The following NDUFAF2 variants were observed in gnomAD, a reference collection of about 807,000 sequenced individuals.
NDUFAF2 encodes the protein NADH:ubiquinone oxidoreductase complex assembly factor 2, also known as NADH dehydrogenase [ubiquinone] 1 alpha subcomplex assembly factor 2.
In NDUFAF2, 13 loss-of-function variants were observed where a neutral mutation model predicts 22.8. That is an observed-to-expected ratio of 0.57 (90% CI 0.37 to 0.91). The LOEUF is 0.91. NDUFAF2 is among the 40% of genes least tolerant of loss of function. The probability of loss-of-function intolerance (pLI) is 0.01; values close to 1 mark genes in which losing one functional copy is unlikely to be tolerated. For missense variants in NDUFAF2, 162 were observed against 195.2 expected (o/e 0.83, Z 1.01); for synonymous variants, 53 against 64.2 (o/e 0.83, Z 0.84).
chr5:61,145,895 C>T (rs1230669928), intron 3 of NDUFAF2: 1 of 152,040 alleles, frequency 6.6e-6, no homozygotes, highest in African/African-American at 2.4e-5. Context: ...TTAAATGACC[C>T]TTTTAGAAGG....
chr5:61,093,553 A>G (rs1029098129), intron 2 of NDUFAF2, among the ~76,000 whole-genome samples: 3 of 152,194 alleles, frequency 2.0e-5, no homozygotes, highest in African/African-American at 7.2e-5. Context: ...TATGTGATGA[A>G]TCACATTTAT....
intron 3 of NDUFAF2, among the ~76,000 whole-genome samples, chr5:61,112,930 G>T (rs1341684500): frequency 1.3e-5 from 2 of 150,216 alleles, no homozygotes; most frequent in Non-Finnish European, 1.5e-5. Flanking sequence ...TACATTTGAG[G>T]TTACCATGGA....
intron 1 of NDUFAF2, among the ~76,000 whole-genome samples, chr5:61,039,637 C>T (rs944496960): frequency 4.6e-5 from 7 of 152,244 alleles, no homozygotes; most frequent in African/African-American, 1.7e-4. Context: ...ATTTAGGGGA[C>T]GGCTGGTGTC....
At chr5:61,150,233 T>A (rs1425100242) in intron 3 of NDUFAF2, among the ~76,000 whole-genome samples, 1 of 152,014 alleles carries the variant, frequency 6.6e-6, no homozygotes, top group African/African-American at 2.4e-5. Context: ...AACCTGGCCC[T>A]TCAATTCCAA....
chr5:61,123,371 C>A (rs1292984040), intron 3 of NDUFAF2, among the ~76,000 whole-genome samples: 3 of 152,110 alleles, frequency 2.0e-5, no homozygotes, highest in Non-Finnish European at 2.9e-5. Context: ...CACACCCTGT[C>A]TATATAGTAT....
At chr5:61,133,922 A>G (rs1236548176) in intron 3 of NDUFAF2, among the ~76,000 whole-genome samples, 1 of 152,248 alleles carries the variant, frequency 6.6e-6, no homozygotes, top group Non-Finnish European at 1.5e-5. Context: ...CTGCCCTAGC[A>G]ATCTAAGTTC....
chr5:60,993,088 T>C (rs375540876), intron 1 of NDUFAF2, among the ~76,000 whole-genome samples: 1 of 152,216 alleles, frequency 6.6e-6, no homozygotes, highest in South Asian at 2.1e-4. Flanking sequence ...GCAAGAGGTA[T>C]GTGAGCTAGT....
intron 1 of NDUFAF2, among the ~76,000 whole-genome samples, chr5:61,072,207 G>A (rs971897206): frequency 6.6e-6 from 1 of 152,168 alleles, no homozygotes; most frequent in African/African-American, 2.4e-5. Flanking sequence ...AGTAACATAC[G>A]AACTTAGTAG....
At chr5:60,962,020 T>C (rs942850373) in intron 1 of NDUFAF2, among the ~76,000 whole-genome samples, 1 of 152,126 alleles carries the variant, frequency 6.6e-6, no homozygotes, top group African/African-American at 2.4e-5. Context: ...TCCAGCTTTA[T>C]TGAAGTTCAA....
intron 1 of NDUFAF2, among the ~76,000 whole-genome samples, chr5:61,052,476 A>G (rs1359004666): frequency 6.6e-6 from 1 of 151,902 alleles, no homozygotes; most frequent in Non-Finnish European, 1.5e-5. Flanking sequence ...ATGCCCGGCT[A>G]ATTTTTTGTA....
At chr5:60,951,621 G>T (rs1467233760) in intron 1 of NDUFAF2, among the ~76,000 whole-genome samples, 4 of 152,090 alleles carry the variant, frequency 2.6e-5, no homozygotes, top group Admixed American at 6.5e-5. Context: ...TTTTATTGAA[G>T]AATTTTGTTT....
chr5:61,010,001 TACTC>T (rs903534671), intron 1 of NDUFAF2, among the ~76,000 whole-genome samples: 27 of 152,098 alleles, frequency 1.8e-4, no homozygotes, highest in Non-Finnish European at 1.0e-4. Context: ...CTTTCTGACT[TACTC>T]CCAATGTTCC....
At chr5:61,038,115 A>AGAGG (rs1491073520) in intron 1 of NDUFAF2, among the ~76,000 whole-genome samples, 1 of 145,118 alleles carries the variant, frequency 6.9e-6, no homozygotes, top group Non-Finnish European at 1.5e-5. Flanking sequence ...AGAGAGAGAG[A>AGAGG]GGGAGAGAGA....
chr5:61,062,660 TTTGTCAAGTC>T (rs1752179483), intron 1 of NDUFAF2, among the ~76,000 whole-genome samples: 1 of 151,978 alleles, frequency 6.6e-6, no homozygotes, highest in Non-Finnish European at 1.5e-5. Flanking sequence ...TTGCTGAAAA[TTTGTCAAGTC>T]TTGGGAGAGA....
chr5:61,120,100 A>G (rs1752958366), intron 3 of NDUFAF2, among the ~76,000 whole-genome samples: 2 of 152,184 alleles, frequency 1.3e-5, no homozygotes, highest in South Asian at 2.1e-4. Flanking sequence ...ACCGTAATAA[A>G]TAAAGAAAAA....
intron 1 of NDUFAF2, among the ~76,000 whole-genome samples, chr5:60,984,689 A>G (rs1395709745): frequency 6.6e-6 from 1 of 152,130 alleles, no homozygotes; most frequent in Non-Finnish European, 1.5e-5. Flanking sequence ...TATATGCTGG[A>G]TTACGTGTAT....
chr5:61,010,185 C>G (rs1338595535), intron 1 of NDUFAF2, among the ~76,000 whole-genome samples: 1 of 152,104 alleles, frequency 6.6e-6, no homozygotes, highest in African/African-American at 2.4e-5. Context: ...GCTTCACACT[C>G]TGGTCTTGGT....
At position 60,945,260 on chromosome 5, in the gene NDUFAF2, G is replaced by C. The variant is rs1430192510; in HGVS notation, c.5G>C (p.Gly2Ala). 8 of 1,613,006 alleles carry C rather than the reference G, an allele frequency of 5.0e-6. No homozygotes were observed. Among genetic ancestry groups the C allele is most frequent in the Non-Finnish European group, 6.8e-6 (8 of 1,179,868 alleles). The change falls in exon 1 of 4, where the codon GGT (glycine) becomes GCT (alanine). Residue 2 changes from glycine to alanine, a missense_variant. By Grantham distance (60) the Gly-to-Ala change is moderately conservative. Coordinates refer to ENST00000296597, the MANE Select transcript of NDUFAF2 (RefSeq NM_174889.5). M[G>A]WSQDLFRALW... ...GCTGGAAACTGGGTGGACGGCATGG[G>C]TTGGTCTCAGGATTTGTTCCGCGCC...
chr5:61,027,486 A>G (rs952895865), intron 1 of NDUFAF2, among the ~76,000 whole-genome samples: 1 of 152,014 alleles, frequency 6.6e-6, no homozygotes. Flanking sequence ...TTGACTTTTT[A>G]TACATTGGTT....
Sources: gnomAD v4.1 joint callset for allele counts (sites outside exome capture counted in the v4.1 genomes callset) on GRCh38, gnomAD v4.1.1 for gene constraint, MANE v1.5 for transcripts, NCBI Gene and HGNC (gene_info 2026-07-23, HGNC 2026-07-21) for gene names.